RARS2: variants seen among roughly 807,000 people sequenced by gnomAD.
The protein encoded by RARS2 is probable arginine--tRNA ligase, mitochondrial.
RARS2 carries 67 observed loss-of-function variants against 88.5 expected under a neutral mutation model. The observed-to-expected ratio is 0.76, with a 90% CI of 0.62 to 0.93. The LOEUF (loss-of-function observed/expected upper bound fraction) is 0.93, where lower values mean the gene tolerates loss of function less well. Among genes scored for constraint, RARS2 ranks in the 40% least tolerant of loss-of-function variants. The pLI is 0.00. For synonymous variants in RARS2, 239 were observed against 230.3 expected (o/e 1.04, Z -0.34); for missense variants, 664 against 684.2 (o/e 0.97, Z 0.33).
intron 10 of RARS2, among the ~76,000 whole-genome samples, chr6:87,528,494 C>A (rs893154343): frequency 6.6e-6 from 1 of 152,096 alleles, no homozygotes; most frequent in African/African-American, 2.4e-5. Flanking sequence ...TCACAATAGC[C>A]AAGATGTGAA....
chr6:87,542,620 A>C (rs993392716), intron 7 of RARS2, among the ~76,000 whole-genome samples: 8 of 151,606 alleles, frequency 5.3e-5, no homozygotes, highest in African/African-American at 1.9e-4. Context: ...TGATAAATTC[A>C]GAGTTCAGGG....
chr6:87,557,135 T>C (rs1363711730), intron 4 of RARS2, among the ~76,000 whole-genome samples: 1 of 152,100 alleles, frequency 6.6e-6, no homozygotes, highest in Admixed American at 6.6e-5. Flanking sequence ...ACAGTACCCG[T>C]TGTCTTTAAG....
At chr6:87,560,111 A>T (rs977328296) in intron 4 of RARS2, among the ~76,000 whole-genome samples, 2 of 152,256 alleles carry the variant, frequency 1.3e-5, no homozygotes, top group African/African-American at 2.4e-5. Flanking sequence ...CCCATTGTTA[A>T]GCAACACACG....
chr6:87,552,756 G>GA (rs537340503), intron 5 of RARS2, among the ~76,000 whole-genome samples: 29 of 148,112 alleles, frequency 2.0e-4, no homozygotes, highest in South Asian at 1.9e-3. Context: ...TGGTGAAGCT[G>GA]AAAAAAAAAA....
chr6:87,571,322 T>C (rs1769646541), intron 1 of RARS2, among the ~76,000 whole-genome samples: 1 of 152,188 alleles, frequency 6.6e-6, no homozygotes, highest in Admixed American at 6.5e-5. Context: ...GATTGTAAGT[T>C]TCCTGAGGCC....
At chr6:87,523,599 A>G (rs543935165) in intron 11 of RARS2, among the ~76,000 whole-genome samples, 2 of 152,312 alleles carry the variant, frequency 1.3e-5, no homozygotes, top group East Asian at 3.9e-4. Flanking sequence ...CCAAATTAGG[A>G]TAGTTATAGA....
At chr6:87,576,730 A>T (rs760741720) in intron 1 of RARS2, among the ~76,000 whole-genome samples, 3 of 152,212 alleles carry the variant, frequency 2.0e-5, no homozygotes, top group Non-Finnish European at 4.4e-5. Flanking sequence ...TATGATTAAC[A>T]TATTTCAATT....
chr6:87,522,653 G>A (rs1026898586), intron 11 of RARS2, among the ~76,000 whole-genome samples: 2 of 152,122 alleles, frequency 1.3e-5, no homozygotes, highest in African/African-American at 4.8e-5. Context: ...GCAAAAACTG[G>A]CTAATTTTTG....
chr6:87,566,466 A>G (rs1767895148), intron 2 of RARS2, among the ~76,000 whole-genome samples: 1 of 152,154 alleles, frequency 6.6e-6, no homozygotes. Flanking sequence ...TTTTGCTTTT[A>G]TAATAGAAAA....
At chr6:87,536,132 G>C (rs1314573761) in intron 8 of RARS2, among the ~76,000 whole-genome samples, 1 of 148,366 alleles carries the variant, frequency 6.7e-6, no homozygotes, top group African/African-American at 2.5e-5. Context: ...TATGCAATGA[G>C]TCAAGTTCTA....
At chr6:87,518,529 A>G (rs2127999929) in intron 16 of RARS2, 101 bp downstream of exon 16, 2 of 1,361,398 alleles carry the variant, frequency 1.5e-6, no homozygotes, top group East Asian at 2.4e-5. Context: ...AATAGAAGAT[A>G]TTGGAAAAGC....
chr6:87,548,271 A>T (rs1239802468), intron 6 of RARS2, among the ~76,000 whole-genome samples: 1 of 152,148 alleles, frequency 6.6e-6, no homozygotes, highest in Admixed American at 6.5e-5. Flanking sequence ...AAGGTTATAC[A>T]TCCCCACATA....
At chr6:87,540,053 G>A (rs1339223360) in intron 8 of RARS2, among the ~76,000 whole-genome samples, 1 of 152,146 alleles carries the variant, frequency 6.6e-6, no homozygotes, top group Admixed American at 6.5e-5. Flanking sequence ...GGGAAAGAGA[G>A]AAGAAATCTT....
chr6:87,542,671 A>T (rs1431582623), intron 7 of RARS2, among the ~76,000 whole-genome samples: 1 of 151,924 alleles, frequency 6.6e-6, no homozygotes, highest in Non-Finnish European at 1.5e-5. Context: ...GAAAAAAAAA[A>T]ACCCAAACAC....
chr6:87,527,082 G>A (rs1054095656), intron 10 of RARS2, among the ~76,000 whole-genome samples: 11 of 152,122 alleles, frequency 7.2e-5, no homozygotes, highest in African/African-American at 1.2e-4. Flanking sequence ...AGGCCAAAGC[G>A]GGTAGATCAG....
chr6:87,575,268 CACACACACA>C (rs1771101274), intron 1 of RARS2, among the ~76,000 whole-genome samples: 5 of 148,082 alleles, frequency 3.4e-5, no homozygotes, highest in South Asian at 2.1e-4. Flanking sequence ...CACACACACA[CACACACACA>C]CCTTGGCTTC....
intron 5 of RARS2, among the ~76,000 whole-genome samples, chr6:87,552,598 T>C (rs1414955346): frequency 6.6e-6 from 1 of 152,008 alleles, no homozygotes; most frequent in Non-Finnish European, 1.5e-5. Context: ...ACAACTCACA[T>C]AGAACAGGTT....
intron 8 of RARS2, among the ~76,000 whole-genome samples, chr6:87,538,291 G>C (rs997271051): frequency 2.6e-5 from 4 of 152,088 alleles, no homozygotes; most frequent in Non-Finnish European, 5.9e-5. Flanking sequence ...GTTTCCCAGT[G>C]AATCTATTCG....
intron 18 of RARS2, among the ~76,000 whole-genome samples, chr6:87,515,390 T>G (rs7752332): frequency 0.11 from 17,214 of 151,620 alleles, 1,008 homozygotes; most frequent in East Asian, 0.15. Flanking sequence ...CGTGGTGGCA[T>G]GCGCCTGTAG....
Sources: gnomAD v4.1 joint callset for allele counts (sites outside exome capture counted in the v4.1 genomes callset) on GRCh38, gnomAD v4.1.1 for gene constraint, MANE v1.5 for transcripts, NCBI Gene and HGNC (gene_info 2026-07-23, HGNC 2026-07-21) for gene names.